WDFY4: variants seen among roughly 807,000 people sequenced by gnomAD.
The protein encoded by WDFY4 is WD repeat- and FYVE domain-containing protein 4.
WDFY4 carries 169 observed loss-of-function variants against 351.9 expected under a neutral mutation model. The ratio of observed to expected loss-of-function variants is 0.48; its 90% CI spans 0.42 to 0.55. The LOEUF is 0.55. WDFY4 is among the 20% of genes least tolerant of loss of function. The pLI is 0.00. For synonymous variants in WDFY4, 1,622 were observed against 1,574.6 expected (o/e 1.03, Z -0.71); for missense variants, 3,803 against 3,935.6 (o/e 0.97, Z 0.90).
At chr10:48,693,150 C>T (rs2063240203) in intron 1 of WDFY4, among the ~76,000 whole-genome samples, 2 of 152,170 alleles carry the variant, frequency 1.3e-5, no homozygotes, top group Admixed American at 6.5e-5. Flanking sequence ...GGGTTGAGTC[C>T]TATCATCAGG....
intron 51 of WDFY4, among the ~76,000 whole-genome samples, chr10:48,949,222 C>T (rs1841200733): frequency 6.6e-6 from 1 of 152,228 alleles, no homozygotes; most frequent in South Asian, 2.1e-4. Flanking sequence ...GCTGTCTCTA[C>T]ATGCTTCTAA....
chr10:48,899,991 C>A (rs1837275114), intron 45 of WDFY4, among the ~76,000 whole-genome samples: 1 of 152,174 alleles, frequency 6.6e-6, no homozygotes, highest in Middle Eastern at 3.2e-3. Context: ...TCGCTTCCTG[C>A]TTCAACAGAA....
intron 23 of WDFY4, among the ~76,000 whole-genome samples, chr10:48,791,632 T>C (rs1476182003): frequency 6.6e-6 from 1 of 152,206 alleles, no homozygotes; most frequent in Non-Finnish European, 1.5e-5. Context: ...AGATGAGACA[T>C]GGCCACTGCC....
At chr10:48,860,538 C>A (rs1253304636) in intron 39 of WDFY4, among the ~76,000 whole-genome samples, 1 of 152,232 alleles carries the variant, frequency 6.6e-6, no homozygotes, top group East Asian at 1.9e-4. Context: ...AACCTAATCA[C>A]TTCCCAAATG....
chr10:48,697,210 C>T (rs1342931210), intron 1 of WDFY4, among the ~76,000 whole-genome samples: 1 of 152,224 alleles, frequency 6.6e-6, no homozygotes, highest in African/African-American at 2.4e-5. Flanking sequence ...GAGCTAATGT[C>T]AGGGCTCTGG....
intron 39 of WDFY4, among the ~76,000 whole-genome samples, chr10:48,848,036 A>G (rs571302384): frequency 2.0e-5 from 3 of 152,306 alleles, no homozygotes; most frequent in South Asian, 2.1e-4. Flanking sequence ...CTGCATCTCC[A>G]TAGCAGAGAA....
At chr10:48,968,960 T>G in intron 55 of WDFY4, 104 bp from the exon 56 acceptor site, 4 of 1,217,576 alleles carry the variant, frequency 3.3e-6, no homozygotes, top group Non-Finnish European at 4.6e-6. Flanking sequence ...CTTCCATGCT[T>G]AAGTTCAAGT....
At chr10:48,767,545 C>T (rs2065711041) in intron 13 of WDFY4, among the ~76,000 whole-genome samples, 2 of 152,306 alleles carry the variant, frequency 1.3e-5, no homozygotes, top group Admixed American at 1.3e-4. Flanking sequence ...GCTGGTTCTG[C>T]ACTTTATCAG....
intron 40 of WDFY4, among the ~76,000 whole-genome samples, chr10:48,867,886 T>C (rs993480518): frequency 6.6e-6 from 1 of 152,214 alleles, no homozygotes; most frequent in Admixed American, 6.5e-5. Flanking sequence ...CAGCAATTTC[T>C]TTGTCCCAAA....
chr10:48,969,841 C>G (rs1842259988), intron 56 of WDFY4, among the ~76,000 whole-genome samples: 1 of 152,114 alleles, frequency 6.6e-6, no homozygotes, highest in Non-Finnish European at 1.5e-5. Context: ...AGGCATGGAA[C>G]TCAGCCCCAC....
intron 35 of WDFY4, 148 bp downstream of exon 35, chr10:48,822,685 G>T (rs10857651): frequency 2.1e-4 from 219 of 1,024,378 alleles, no homozygotes; most frequent in Middle Eastern, 9.3e-4. Flanking sequence ...TTAGTCCCAG[G>T]TAATACCTGG....
chr10:48,709,059 G>A (rs984182870), intron 1 of WDFY4, among the ~76,000 whole-genome samples: 1 of 150,400 alleles, frequency 6.6e-6, no homozygotes, highest in Non-Finnish European at 1.5e-5. Context: ...TCAACTTGAC[G>A]TCTAGCTGCC....
chr10:48,909,608 G>T (rs1181895373), intron 47 of WDFY4: 1 of 152,236 alleles, frequency 6.6e-6, no homozygotes, highest in Admixed American at 6.5e-5. Flanking sequence ...AAGGGGAGCA[G>T]GCATCACATA....
intron 51 of WDFY4, among the ~76,000 whole-genome samples, chr10:48,953,475 T>A (rs1841439617): frequency 6.6e-6 from 1 of 152,188 alleles, no homozygotes; most frequent in Non-Finnish European, 1.5e-5. Context: ...GCACTGAACT[T>A]CCTGCCCAAG....
Position 48,826,843 on chromosome 10 carries a change from C to T in WDFY4, c.6155C>T (p.Thr2052Ile), listed in dbSNP as rs758043950. The T allele has an allele frequency of 3.9e-6, 6 of 1,551,842 alleles. No homozygotes were observed. The highest frequency in any genetic ancestry group is 2.4e-5 in the South Asian group (2 of 84,068). The stretch of plus-strand genomic sequence containing the variant: ...GAGCACTGGGATGTTGTCTTTGCCA[C>T]CTACAATTCCAACATCAGCTTCCTC... ...LQEHWDVVFA[T>I]YNSNISFLLC... Residue 2052 changes from threonine (T) to isoleucine (I), a missense_variant, in exon 36 of 62, where the codon ACC becomes ATC. By Grantham distance (89) the Thr-to-Ile change is moderately conservative. Transcript: ENST00000325239.
At chr10:48,832,424 G>C (rs758202865) in intron 38 of WDFY4, 149 bp from the exon 39 acceptor site, 21 of 931,412 alleles carry the variant, frequency 2.3e-5, no homozygotes, top group Non-Finnish European at 3.2e-5. Flanking sequence ...GAAGACGGCA[G>C]TGTGAGCTTG....
chr10:48,884,146 A>AATG (rs2070364879), intron 43 of WDFY4: 1 of 152,132 alleles, frequency 6.6e-6, no homozygotes, highest in Non-Finnish European at 1.5e-5. Context: ...ATACAAACTC[A>AATG]ATGTAAAATA....
intron 7 of WDFY4, among the ~76,000 whole-genome samples, chr10:48,729,050 C>A (rs1807625808): frequency 6.6e-6 from 1 of 152,242 alleles, no homozygotes; most frequent in African/African-American, 2.4e-5. Context: ...TAAATAAGCA[C>A]AAGGAAGTCC....
At chr10:48,967,016 T>G in intron 55 of WDFY4, 4 of 225,394 alleles carry the variant, frequency 1.8e-5, no homozygotes, top group East Asian at 1.1e-4. Context: ...TACACACACA[T>G]ACCTTCTCTC....
Sources: allele counts gnomAD v4.1 joint callset (sites outside exome capture counted in the v4.1 genomes callset), GRCh38; gene constraint gnomAD v4.1.1; transcripts MANE v1.5; gene names NCBI Gene and HGNC (gene_info 2026-07-23, HGNC 2026-07-21).